ANKRD12: variants seen among roughly 807,000 people sequenced by gnomAD.
ANKRD12 encodes the protein ankyrin repeat domain-containing protein 12.
Under a neutral mutation model 183.4 loss-of-function variants are expected in ANKRD12, and 85 were observed. The ratio of observed to expected loss-of-function variants is 0.46; its 90% confidence interval spans 0.39 to 0.56. The LOEUF is 0.56. Ranked by LOEUF, ANKRD12 falls within the 20% of genes least tolerant of loss-of-function variation. The probability of loss-of-function intolerance (pLI) is 0.00; values close to 1 mark genes in which losing one functional copy is unlikely to be tolerated. For missense variants in ANKRD12, 2,405 were observed against 2,357.1 expected, an observed-to-expected ratio of 1.02 and a Z score of -0.42; for synonymous variants, 914 against 800.2, an observed-to-expected ratio of 1.14 and a Z score of -2.40.
chr18:9,150,238 T>C (rs2078641427), intron 1 of ANKRD12, among the ~76,000 whole-genome samples: 1 of 152,220 alleles, frequency 6.6e-6, no homozygotes, highest in African/African-American at 2.4e-5. Flanking sequence ...CTTCTTTCCC[T>C]ATTCTGGATT....
intron 8 of ANKRD12, among the ~76,000 whole-genome samples, chr18:9,241,625 G>C (rs2037666891): frequency 6.6e-6 from 1 of 152,182 alleles, no homozygotes; most frequent in African/African-American, 2.4e-5. Context: ...GTTATGTGCA[G>C]AGGGCTGAGC....
chr18:9,173,686 A>G (rs1457886817), intron 1 of ANKRD12, among the ~76,000 whole-genome samples: 1 of 151,564 alleles, frequency 6.6e-6, no homozygotes, highest in African/African-American at 2.4e-5. Context: ...GTGTCTGGAG[A>G]TCCCCGTTAG....
At chr18:9,276,732 A>C (rs1216570016) in intron 11 of ANKRD12, among the ~76,000 whole-genome samples, 2 of 152,022 alleles carry the variant, frequency 1.3e-5, no homozygotes, top group East Asian at 1.9e-4. Context: ...CAAAAAAAAA[A>C]CTTTAAGTCT....
At chr18:9,190,157 A>G (rs768112058) in intron 2 of ANKRD12, among the ~76,000 whole-genome samples, 16 of 152,216 alleles carry the variant, frequency 1.1e-4, no homozygotes, top group Non-Finnish European at 1.9e-4. Context: ...GATGACTGAG[A>G]GGGTCAAGAC....
intron 8 of ANKRD12, among the ~76,000 whole-genome samples, chr18:9,223,207 G>A (rs545544374): frequency 6.6e-6 from 1 of 151,912 alleles, no homozygotes; most frequent in African/African-American, 2.4e-5. Flanking sequence ...ATCACTTGAG[G>A]CCGAGAGTTC....
intron 6 of ANKRD12, among the ~76,000 whole-genome samples, chr18:9,213,637 A>G (rs1014788032): frequency 6.6e-6 from 1 of 151,912 alleles, no homozygotes; most frequent in Admixed American, 6.6e-5. Flanking sequence ...TTTTATAAAT[A>G]TGTGGGAGAG....
chr18:9,154,544 G>A (rs946427680), intron 1 of ANKRD12, among the ~76,000 whole-genome samples: 2 of 152,156 alleles, frequency 1.3e-5, no homozygotes, highest in African/African-American at 2.4e-5. Flanking sequence ...GCAACATAGT[G>A]AAACTCGTCT....
chr18:9,191,020 C>CT lies in ANKRD12; in HGVS notation c.88-4529dup, dbSNP rs758692336. ...TATATATATTCTTGTTTTCTGGATACTTCTTTTACCATTTTTTCTATCTTA... is the reference window on the plus strand; with the variant it reads ...TATATATATTCTTGTTTTCTGGATACTTTCTTTTACCATTTTTTCTATCTTA... On this transcript the variant is annotated intron_variant, in intron 2 of 12. Transcript: ENST00000262126. Among the ~76,000 whole-genome samples the CT allele has an allele frequency of 1.5e-3, 221 of 152,202 alleles. 1 individual carries two copies. The highest frequency in any genetic ancestry group is 3.9e-3 in the African/African-American group (163 of 41,536).
In ANKRD12 at chr18:9,256,268, A is replaced by G; in HGVS notation, c.3001A>G (p.Lys1001Glu). ...ACAACATGAAAAACCCTTATCCCTT[A>G]AAGAAAAAACAAAAGATGAACCTTT... ...KAQHEKPLSL[K>E]EKTKDEPLKT... The change falls in exon 9 of 13, where the codon AAA becomes GAA. Residue 1001 changes from lysine (K) to glutamate (E), a missense_variant. Around this residue, in one of 7 missense-constraint regions of ANKRD12, gnomAD observed 1,983 missense variants for 1,725.9 expected, o/e 1.15. Coordinates refer to ENST00000262126, the MANE Select transcript of ANKRD12 (RefSeq NM_015208.5). 3 of 1,605,902 alleles carry G rather than the reference A, an allele frequency of 1.9e-6. No homozygotes were observed. Among genetic ancestry groups the G allele is most frequent in the Non-Finnish European group, 2.5e-6 (3 of 1,177,492 alleles).
In ANKRD12 at chr18:9,258,729, A is replaced by C; in HGVS notation, c.5462A>C (p.Lys1821Thr). Reference sequence around the variant, plus strand: ...CTGGCAGCCATTGTAGATTCTCTAAAACTAGATGAGATTCAGCCATACAGT... The same window carrying C: ...CTGGCAGCCATTGTAGATTCTCTAACACTAGATGAGATTCAGCCATACAGT... ...QSLAAIVDSL[K>T]LDEIQPYSSE... is the part of the protein sequence containing the mutation. Residue 1821 changes from lysine (K) to threonine (T), a missense_variant, in exon 9 of 13, where the codon AAA (lysine) becomes ACA (threonine). Around this residue, in one of 7 missense-constraint regions of ANKRD12, gnomAD observed 1,983 missense variants for 1,725.9 expected, o/e 1.15. Transcript: ENST00000262126. The C allele has an allele frequency of 6.2e-7, 1 of 1,613,900 alleles. No homozygotes were observed.
intron 10 of ANKRD12, among the ~76,000 whole-genome samples, chr18:9,270,408 A>G (rs2145401345): frequency 6.6e-6 from 1 of 152,360 alleles, no homozygotes; most frequent in South Asian, 2.1e-4. Context: ...TGTGGCACAT[A>G]TACACCGTGC....
chr18:9,218,123 C>T (rs987447080), intron 7 of ANKRD12, among the ~76,000 whole-genome samples: 6 of 152,060 alleles, frequency 3.9e-5, no homozygotes, highest in South Asian at 2.1e-4. Flanking sequence ...AAAGGTTTCC[C>T]GATTTCTAAG....
At chr18:9,217,834 C>T (rs2036197429) in intron 7 of ANKRD12, among the ~76,000 whole-genome samples, 1 of 152,146 alleles carries the variant, frequency 6.6e-6, no homozygotes, top group Admixed American at 6.5e-5. Context: ...CTGTTATTTA[C>T]TCTGGAACTG....
intron 1 of ANKRD12, among the ~76,000 whole-genome samples, chr18:9,171,204 T>G (rs1355582041): frequency 1.3e-5 from 2 of 152,166 alleles, no homozygotes; most frequent in Non-Finnish European, 2.9e-5. Flanking sequence ...AGCTGTGTGC[T>G]GGGAGAACCA....
chr18:9,192,722 G>C (rs186605997), intron 2 of ANKRD12, among the ~76,000 whole-genome samples: 1 of 149,014 alleles, frequency 6.7e-6, no homozygotes, highest in African/African-American at 2.5e-5. Flanking sequence ...TTTTTTTAGA[G>C]ACAGGGTCTT....
chr18:9,242,393 C>G (rs2037713836), intron 8 of ANKRD12, among the ~76,000 whole-genome samples: 1 of 152,000 alleles, frequency 6.6e-6, no homozygotes, highest in African/African-American at 2.4e-5. Flanking sequence ...GACTAAAACT[C>G]TCCATAAAGG....
At chr18:9,268,213 T>A (rs1466658974) in intron 10 of ANKRD12, among the ~76,000 whole-genome samples, 1 of 152,160 alleles carries the variant, frequency 6.6e-6, no homozygotes, top group African/African-American at 2.4e-5. Context: ...GTACCATTCC[T>A]TCTGAAACTA....
chr18:9,183,050 A>G (rs963254440), intron 2 of ANKRD12, among the ~76,000 whole-genome samples: 2 of 152,184 alleles, frequency 1.3e-5, no homozygotes, highest in African/African-American at 2.4e-5. Context: ...GAGTTGCGCA[A>G]CCATCATCAC....
chr18:9,271,939 C>T (rs888774687), intron 10 of ANKRD12, among the ~76,000 whole-genome samples: 3 of 152,140 alleles, frequency 2.0e-5, no homozygotes, highest in African/African-American at 2.4e-5. Context: ...TTAAGAGCAA[C>T]GCTGTTCAAG....
Sources: allele counts gnomAD v4.1 joint callset (sites outside exome capture counted in the v4.1 genomes callset), GRCh38; gene constraint gnomAD v4.1.1; regional missense constraint gnomAD v4.1.1; transcripts MANE v1.5; gene names NCBI Gene and HGNC (gene_info 2026-07-23, HGNC 2026-07-21).